Variants in ERN2 observed in about 807,000 individuals in gnomAD.
ERN2 encodes the protein serine/threonine-protein kinase/endoribonuclease IRE2.
Under a neutral mutation model 107.9 loss-of-function variants are expected in ERN2, and 111 were observed. The ratio of observed to expected loss-of-function variants is 1.03; its 90% CI spans 0.88 to 1.20. ERN2 has a LOEUF of 1.20. Among genes scored for constraint, ERN2 ranks in the 50% most tolerant of loss-of-function variants. ERN2 has a pLI of 0.00. For missense variants in ERN2, 1,225 were observed against 1,197.9 expected (o/e 1.02, Z -0.33); for synonymous variants, 524 against 501.7 (o/e 1.04, Z -0.59).
At chr16:23,701,364 A>G (rs1285959465) in intron 11 of ERN2, among the ~76,000 whole-genome samples, 6 of 152,188 alleles carry the variant, frequency 3.9e-5, no homozygotes, top group Non-Finnish European at 8.8e-5. Flanking sequence ...GAATGTCACT[A>G]AAAATATAGA....
chr16:23,691,212 T>C lies in ERN2; in HGVS notation c.2501-16A>G. On this transcript the variant is annotated splice_polypyrimidine_tract_variant and intron_variant, in intron 20 of 21. Transcript: ENST00000256797. ...TTTCTCAGATCTGTGGACAGGGAAT[T>C]CAGTGGCAAAACCGTCCCTGCTAGA... 6.2e-7 allele frequency: 1 copy of C among 1,613,778 alleles called. No individual in the cohort carries two copies. The highest frequency in any genetic ancestry group is 8.5e-7 in the Non-Finnish European group (1 of 1,179,874).
chr16:23,713,214 C>T lies in ERN2; in HGVS notation c.-27G>A, dbSNP rs772870003. The T allele has an allele frequency of 2.5e-6, 4 of 1,579,858 alleles. No individual in the cohort carries two copies. Among genetic ancestry groups the T allele is most frequent in the Non-Finnish European group, 3.4e-6 (4 of 1,170,228 alleles). On this transcript the variant is annotated 5_prime_UTR_variant, in exon 1 of 22. Coordinates refer to ENST00000256797, the MANE Select transcript of ERN2 (RefSeq NM_033266.4). Reference sequence around the variant, plus strand: ...GCGCCTGGGCAGCTGCACGGCTGGCCAGGTCCCTGGGTGCCTCCAAGGGAG... The same window carrying T: ...GCGCCTGGGCAGCTGCACGGCTGGCTAGGTCCCTGGGTGCCTCCAAGGGAG...
chr16:23,702,496 T>G lies in ERN2; in HGVS notation c.975A>C (p.Thr325=). ...CTGAGACTTGGAGTGTCACCTCATC[T>G]GTGGTGGGGCCATCTGCGGGGGCCA... ...LTLAPADGPT[T]DEVTLQVSGE... is the part of the protein sequence containing the mutation. Residue 325 remains threonine, a synonymous_variant, in exon 10 of 22, where the codon ACA becomes ACC. Coordinates refer to ENST00000256797, the MANE Select transcript of ERN2 (RefSeq NM_033266.4). 1 of 1,613,838 alleles carries G rather than the reference T, an allele frequency of 6.2e-7. No individual in the cohort carries two copies. Among genetic ancestry groups the G allele is most frequent in the Non-Finnish European group, 8.5e-7 (1 of 1,180,002 alleles).
chr16:23,699,043 G>A (rs1959940531), intron 13 of ERN2, among the ~76,000 whole-genome samples: 1 of 152,198 alleles, frequency 6.6e-6, no homozygotes, highest in African/African-American at 2.4e-5. Flanking sequence ...CGAGTCCGAA[G>A]GTCCAGGGAG....
At position 23,692,286 on chromosome 16, in the gene ERN2, C is replaced by A. The variant is rs368927601; in HGVS notation, c.2146G>T (p.Val716Leu). Residue 716 changes from valine (V) to leucine (L), a missense_variant, in exon 18 of 22, where the codon GTG becomes TTG. By Grantham distance (32) the Val-to-Leu change is conservative. Coordinates refer to ENST00000256797, the MANE Select transcript of ERN2 (RefSeq NM_033266.4). ...IFSAGCVFYY[V>L]LSGGSHPFGD... is the part of the protein sequence containing the mutation. ...AAGGGGTGGCTGCCACCAGAAAGCA[C>A]GTAGTAGAACACGCAGCCTGCAGAG... 2.5e-6 allele frequency: 4 copies of A among 1,614,080 alleles called. No homozygotes were observed. The highest frequency in any genetic ancestry group is 2.5e-6 in the Non-Finnish European group (3 of 1,180,046).
chr16:23,695,791 G>A, intron 14 of ERN2, 103 bp downstream of exon 14: 1 of 720,944 alleles, frequency 1.4e-6, no homozygotes, highest in Non-Finnish European at 2.5e-6. Flanking sequence ...GGATCAACCT[G>A]TACCCACCTC....
At chr16:23,692,413 G>C in intron 17 of ERN2, 82 bp from the exon 18 acceptor site, 1 of 1,487,414 alleles carries the variant, frequency 6.7e-7, no homozygotes, top group Non-Finnish European at 9.2e-7. Flanking sequence ...TGGGCTGATA[G>C]AGCTGCCAGG....
chr16:23,710,589 A>G (rs764095828), intron 2 of ERN2, 40 bp from the exon 3 acceptor site: 1 of 1,611,376 alleles, frequency 6.2e-7, no homozygotes, highest in South Asian at 1.1e-5. Context: ...AGTTTCCTCC[A>G]GACCCCACTG....
At chr16:23,702,333 C>G (rs1427102635) in intron 10 of ERN2, 57 bp downstream of exon 10, 1 of 1,611,218 alleles carries the variant, frequency 6.2e-7, no homozygotes, top group Non-Finnish European at 8.5e-7. Flanking sequence ...AGCTCAGAAG[C>G]TGGGCTCACA....
intron 4 of ERN2, 91 bp downstream of exon 4, chr16:23,710,081 G>A (rs1363872098): frequency 9.3e-6 from 8 of 857,774 alleles, no homozygotes; most frequent in Non-Finnish European, 1.6e-5. Context: ...CAGAACAGGA[G>A]ATACTGACCA....
chr16:23,692,110 G>A lies in ERN2; in HGVS notation c.2249-20C>T. The A allele has an allele frequency of 6.2e-7, 1 of 1,613,746 alleles. No homozygotes were observed. Among genetic ancestry groups the A allele is most frequent in the Non-Finnish European group, 8.5e-7 (1 of 1,180,022 alleles). On this transcript the variant is annotated intron_variant, in intron 18 of 21. Transcript: ENST00000256797. The stretch of plus-strand genomic sequence containing the variant: ...CCTTGTCTGGAGGATGGAAGAGGAG[G>A]AGGAGAGTCTGCTTCAGGCCTGCCT...
Position 23,709,326 on chromosome 16 carries a change from A to G in ERN2, c.306+846T>C, listed in dbSNP as rs1217709034. On this transcript the variant is annotated intron_variant, in intron 4 of 21. Transcript: ENST00000256797. ...AAATTTGTTTAAATTAAAAAAAAGGAATTCCGACAAAGCACATTCCACCCC... is the reference window on the plus strand; with the variant it reads ...AAATTTGTTTAAATTAAAAAAAAGGGATTCCGACAAAGCACATTCCACCCC... 7 of 337,152 alleles carry G rather than the reference A, an allele frequency of 2.1e-5. No individual in the cohort carries two copies. In the Admixed American group the frequency reaches 2.8e-4, roughly 13 times the overall value. The allele number at this position is 337,152 out of a possible 1,614,324, so 20.9% of individuals were successfully genotyped here.
chr16:23,698,273 G>C (rs1959909103), intron 13 of ERN2, among the ~76,000 whole-genome samples: 1 of 152,184 alleles, frequency 6.6e-6, no homozygotes, highest in South Asian at 2.1e-4. Flanking sequence ...TTAGCTTTGT[G>C]AGCCGGGGGT....
At position 23,694,932 on chromosome 16, in the gene ERN2, G is replaced by A; in HGVS notation, c.1901-5C>T. 6.2e-7 allele frequency: 1 copy of A among 1,614,152 alleles called. No individual in the cohort carries two copies. The highest frequency in any genetic ancestry group is 8.5e-7 in the Non-Finnish European group (1 of 1,179,992). ...CTGGCTTCAGGTCCCGGTGCACTGT[G>A]GGAGAGGGGCAGAAAGAAAGCTGGT... On this transcript the variant is annotated splice_polypyrimidine_tract_variant and splice_region_variant and intron_variant, in intron 16 of 21. Transcript: ENST00000256797.
At chr16:23,710,386 T>A in intron 3 of ERN2, 130 bp downstream of exon 3, 1 of 1,190,690 alleles carries the variant, frequency 8.4e-7, no homozygotes, top group South Asian at 1.2e-5. Flanking sequence ...CTCCCCTATA[T>A]CACATCCAGA....
In ERN2 at chr16:23,691,301, C is replaced by T. The variant is rs777121880; in HGVS notation, c.2500+1G>A. On this transcript the variant is annotated splice_donor_variant, in intron 20 of 21. Coordinates refer to ENST00000256797, the MANE Select transcript of ERN2 (RefSeq NM_033266.4). LOFTEE classifies it high-confidence loss of function. The stretch of plus-strand genomic sequence containing the variant: ...CAGGCCCACCTGAGTATGGCCTCTA[C>T]CTGTCTGCAGCGGCATGGAGATGTG... The T allele has an allele frequency of 3.1e-6, 5 of 1,611,196 alleles. No individual in the cohort carries two copies. The South Asian group carries it at 3.3e-5, about 11-fold the overall frequency.
chr16:23,690,382 C>T lies in ERN2; in HGVS notation c.*449G>A, dbSNP rs1424637093. Reference sequence around the variant, plus strand: ...TGTGAATATTCTTTTTCTTGTATTTCCTGAGGGGTGCCAGGGCCTGGGATC... The same window carrying T: ...TGTGAATATTCTTTTTCTTGTATTTTCTGAGGGGTGCCAGGGCCTGGGATC... On this transcript the variant is annotated 3_prime_UTR_variant, in exon 22 of 22. Transcript: ENST00000256797. The T allele has an allele frequency of 8.3e-6, 4 of 480,990 alleles. No individual in the cohort carries two copies. The highest frequency in any genetic ancestry group is 1.5e-5 in the Non-Finnish European group (4 of 264,970). 29.8% of individuals were successfully genotyped at this position (480,990 alleles called of 1,614,324 possible). A position where few individuals can be genotyped will look rare whatever the true frequency, so the allele number is the denominator to read the frequency against.
At chr16:23,695,171 C>A (rs1428919411) in intron 15 of ERN2, 29 bp downstream of exon 15, 1 of 1,613,646 alleles carries the variant, frequency 6.2e-7, no homozygotes, top group East Asian at 2.2e-5. Flanking sequence ...CCTTCCCACT[C>A]ACCCTCCCTG....
rs1296165445 is a variant in ERN2 at position 23,695,265 on chromosome 16, A to C, written c.1735T>G (p.Cys579Gly). ...DRHPNVLRYF[C>G]TERGPQFHYI... is the part of the protein sequence containing the mutation. ...TGGAACTGGGGTCCCCGCTCGGTGC[A>C]GAAGTAGCGGAGCACGTTGGGGTGC... Residue 579 changes from cysteine to glycine, a missense_variant, in exon 15 of 22, where the codon TGC becomes GGC. Transcript: ENST00000256797. 6.2e-7 allele frequency: 1 copy of C among 1,614,142 alleles called. No homozygotes were observed.
Sources: gnomAD v4.1 joint callset for allele counts (sites outside exome capture counted in the v4.1 genomes callset) on GRCh38, gnomAD v4.1.1 for gene constraint, MANE v1.5 for transcripts, NCBI Gene and HGNC (gene_info 2026-07-23, HGNC 2026-07-21) for gene names.